GPATCH1: variants seen among roughly 807,000 people sequenced by gnomAD.
GPATCH1 encodes the protein G patch domain-containing protein 1.
A neutral mutation model predicts 114.9 loss-of-function variants in GPATCH1; 73 were observed. The observed-to-expected ratio is 0.64, with a 90% CI of 0.53 to 0.77. GPATCH1 has a LOEUF of 0.77. Among genes scored for constraint, GPATCH1 ranks in the 30% least tolerant of loss-of-function variants. The pLI is 0.00. For missense variants in GPATCH1, 1,058 were observed against 1,144.3 expected, an observed-to-expected ratio of 0.92 and a Z score of 1.09; for synonymous variants, 391 against 428.4, an observed-to-expected ratio of 0.91 and a Z score of 1.08.
chr19:33,102,386 A>G (rs1015071850), intron 9 of GPATCH1, among the ~76,000 whole-genome samples: 16 of 145,802 alleles, frequency 1.1e-4, no homozygotes, highest in Admixed American at 7.9e-4. Flanking sequence ...TGATAAAAAT[A>G]TCTAATTTCT....
Position 33,104,231 on chromosome 19 carries a change from T to C in GPATCH1, c.1081-2464T>C, listed in dbSNP as rs1247373621. Among the ~76,000 whole-genome samples the C allele has an allele frequency of 1.2e-4, 18 of 150,844 alleles. No individual in the cohort carries two copies. In the East Asian group the frequency reaches 3.5e-3, roughly 29 times the overall value. ...GGTATGTGCCTGTAGTCCTAGCCTCTTGGGGGCCTGAGGTGGGAGGATTGC... is the reference window on the plus strand; with the variant it reads ...GGTATGTGCCTGTAGTCCTAGCCTCCTGGGGGCCTGAGGTGGGAGGATTGC... On this transcript the variant is annotated intron_variant, in intron 9 of 19. Coordinates refer to ENST00000170564, the MANE Select transcript of GPATCH1 (RefSeq NM_018025.3).
At chr19:33,108,490 A>G (rs1331494065) in intron 10 of GPATCH1, among the ~76,000 whole-genome samples, 12 of 145,898 alleles carry the variant, frequency 8.2e-5, no homozygotes, top group African/African-American at 3.0e-4. Flanking sequence ...TTCTTCCCTC[A>G]TATTTTTGTG....
At chr19:33,112,765 C>A (rs1972871897) in intron 13 of GPATCH1, 152 bp downstream of exon 13, 1 of 534,842 alleles carries the variant, frequency 1.9e-6, no homozygotes, top group Non-Finnish European at 3.1e-6. Context: ...TATAGATTTG[C>A]TTTGATAAAT....
At chr19:33,085,756 A>C (rs888206033) in intron 1 of GPATCH1, among the ~76,000 whole-genome samples, 4 of 152,210 alleles carry the variant, frequency 2.6e-5, no homozygotes, top group African/African-American at 9.6e-5. Context: ...CATTAGTAGC[A>C]GTAATTAGGA....
intron 13 of GPATCH1, chr19:33,112,867 G>A (rs1192924104): frequency 9.3e-6 from 3 of 323,686 alleles, no homozygotes; most frequent in East Asian, 1.2e-4. Flanking sequence ...AGTTACAAAA[G>A]CATTATGCCT....
chr19:33,095,693 C>T (rs1333188936), intron 5 of GPATCH1, 69 bp from the exon 6 acceptor site: 43 of 1,050,028 alleles, frequency 4.1e-5, no homozygotes, highest in South Asian at 1.6e-4. Context: ...TGATCCACCG[C>T]GCCCGGCCTG....
At position 33,092,843 on chromosome 19, in the gene GPATCH1, T is replaced by C. The variant is rs1972611603; in HGVS notation, c.295-516T>C. ...GGGTGGCCCTAATGAGCAGCGACTA[T>C]CATGCCCTGCCCTTGGCCACTGGCT... On this transcript the variant is annotated intron_variant, in intron 3 of 19. Transcript: ENST00000170564. Among the ~76,000 whole-genome samples, 4 of 152,152 alleles carry C rather than the reference T, an allele frequency of 2.6e-5. No individual in the cohort carries two copies. In the South Asian group the frequency reaches 8.3e-4, roughly 32 times the overall value.
chr19:33,091,330 C>T (rs1273479322), intron 3 of GPATCH1, among the ~76,000 whole-genome samples: 7 of 143,344 alleles, frequency 4.9e-5, no homozygotes, highest in South Asian at 2.3e-4. Context: ...AGGAGAATGG[C>T]GTGAACCCAG....
rs1972584504 is a variant in GPATCH1, at chr19:33,090,728, T to C, written c.209-52T>C. The C allele has an allele frequency of 2.6e-6, 3 of 1,139,860 alleles. 1 individual carries two copies. In the South Asian group the frequency reaches 3.7e-5, roughly 14 times the overall value. The allele number at this position is 1,139,860 out of a possible 1,614,324, so 70.6% of individuals were successfully genotyped here. On this transcript the variant is annotated intron_variant, in intron 2 of 19. Transcript: ENST00000170564. ...TACATGTTATTTAATCATTTACTCA[T>C]AGACCCAAATACTCTCTAGGATTGT...
At chr19:33,124,914 A>G (rs1384943204) in intron 17 of GPATCH1, among the ~76,000 whole-genome samples, 191 bp from the exon 18 acceptor site, 1 of 152,112 alleles carries the variant, frequency 6.6e-6, no homozygotes, top group African/African-American at 2.4e-5. Context: ...CTTTCTAAGT[A>G]CAACTCTGCA....
At chr19:33,084,535 A>G (rs1403707074) in intron 1 of GPATCH1, among the ~76,000 whole-genome samples, 1 of 152,074 alleles carries the variant, frequency 6.6e-6, no homozygotes, top group African/African-American at 2.4e-5. Context: ...AGGACACACT[A>G]TAAACCCTGC....
chr19:33,081,217 CGAA>C lies in GPATCH1; in HGVS notation c.30_32del (p.Glu10del), dbSNP rs1972471512. Reference sequence around the variant, plus strand: ...GGATGGCGGCGCGGGACAGTGACAGCGAAGAAGATCTGGTCAGCTATGGGACCG... The same window carrying C: ...GGATGGCGGCGCGGGACAGTGACAGCGAAGATCTGGTCAGCTATGGGACCG... On this transcript the variant is annotated inframe_deletion, in exon 1 of 20. Coordinates refer to ENST00000170564, the MANE Select transcript of GPATCH1 (RefSeq NM_018025.3). 4 of 1,551,644 alleles carry C rather than the reference CGAA, an allele frequency of 2.6e-6. No homozygotes were observed. Among genetic ancestry groups the C allele is most frequent in the East Asian group, 2.4e-5 (1 of 40,940 alleles).
At chr19:33,082,124 AG>A (rs1972485088) in intron 1 of GPATCH1, among the ~76,000 whole-genome samples, 1 of 118,074 alleles carries the variant, frequency 8.5e-6, no homozygotes, top group Non-Finnish European at 1.8e-5. Flanking sequence ...TGGATGGGAC[AG>A]CAGTGGTGGT....
chr19:33,112,241 C>T (rs575025208), intron 12 of GPATCH1, among the ~76,000 whole-genome samples: 1 of 152,186 alleles, frequency 6.6e-6, no homozygotes, highest in African/African-American at 2.4e-5. Flanking sequence ...ACTAGGATTA[C>T]AGGCATGAGC....
intron 2 of GPATCH1, among the ~76,000 whole-genome samples, chr19:33,088,983 T>G (rs1349139893): frequency 1.3e-5 from 2 of 152,148 alleles, no homozygotes; most frequent in African/African-American, 4.8e-5. Flanking sequence ...TGTAACCTCT[T>G]GTGTTCTTTG....
chr19:33,130,270 G>T lies in GPATCH1; in HGVS notation c.*110G>T. 1 of 670,330 alleles carries T rather than the reference G, an allele frequency of 1.5e-6. No individual in the cohort carries two copies. The highest frequency in any genetic ancestry group is 2.9e-5 in the East Asian group (1 of 34,142). The allele number at this position is 670,330 out of a possible 1,614,324, so 41.5% of individuals were successfully genotyped here. A position where few individuals can be genotyped will look rare whatever the true frequency, so the allele number is the denominator to read the frequency against. On this transcript the variant is annotated 3_prime_UTR_variant, in exon 20 of 20. Coordinates refer to ENST00000170564, the MANE Select transcript of GPATCH1 (RefSeq NM_018025.3). ...GTGTATTTATATGTAAATTCCTGCTGTAAAATAATTTTTAAAACCTTGACA... is the reference window on the plus strand; with the variant it reads ...GTGTATTTATATGTAAATTCCTGCTTTAAAATAATTTTTAAAACCTTGACA...
At chr19:33,108,854 G>T (rs1057295204) in intron 10 of GPATCH1, among the ~76,000 whole-genome samples, 1 of 152,078 alleles carries the variant, frequency 6.6e-6, no homozygotes, top group African/African-American at 2.4e-5. Context: ...GGGATGTCAG[G>T]TTCCCCATCC....
rs930101769 is a variant in GPATCH1 at position 33,119,048 on chromosome 19, C to A, written c.2452C>A (p.Pro818Thr). 8.1e-6 allele frequency: 13 copies of A among 1,613,348 alleles called. No homozygotes were observed. Among genetic ancestry groups the A allele is most frequent in the African/African-American group, 1.3e-5 (1 of 74,872 alleles). ...PAPQEPPPSFPIQKMQIDERE... is the reference protein window; with the variant it reads ...PAPQEPPPSFTIQKMQIDERE... The stretch of plus-strand genomic sequence containing the variant: ...ACCCCAGGAGCCGCCACCTTCCTTC[C>A]CGATACAAAAGATGCAGATAGATGA... The change falls in exon 17 of 20, where the codon CCG becomes ACG. Residue 818 changes from proline (P) to threonine (T), a missense_variant. This residue lies in a region of GPATCH1 where 893 missense variants were observed against 977.4 expected (regional missense o/e 0.91). Coordinates refer to ENST00000170564, the MANE Select transcript of GPATCH1 (RefSeq NM_018025.3).
At chr19:33,085,320 T>C (rs1208821255) in intron 1 of GPATCH1, among the ~76,000 whole-genome samples, 1 of 151,854 alleles carries the variant, frequency 6.6e-6, no homozygotes, top group Admixed American at 6.6e-5. Flanking sequence ...CAAGCGATCC[T>C]CCCAGCTCAG....
Sources: allele counts gnomAD v4.1 joint callset (sites outside exome capture counted in the v4.1 genomes callset), GRCh38; gene constraint gnomAD v4.1.1; regional missense constraint gnomAD v4.1.1; transcripts MANE v1.5; gene names NCBI Gene and HGNC (gene_info 2026-07-23, HGNC 2026-07-21).